ZER1: variants seen among roughly 807,000 people sequenced by gnomAD.
The protein encoded by ZER1 is zyg-11 related cell cycle regulator, also known as protein zer-1 homolog.
In ZER1, 11 loss-of-function variants were observed where a neutral mutation model predicts 78.8. The ratio of observed to expected loss-of-function variants is 0.14; its 90% CI spans 0.09 to 0.23. The LOEUF (loss-of-function observed/expected upper bound fraction) is 0.23, where lower values mean the gene tolerates loss of function less well. Among genes scored for constraint, ZER1 ranks in the 10% least tolerant of loss-of-function variants. The pLI, the probability that ZER1 is intolerant of heterozygous loss-of-function variation, is 1.00. For missense variants in ZER1, 588 were observed against 996.9 expected (o/e 0.59, Z 5.52); for synonymous variants, 400 against 407.0 (o/e 0.98, Z 0.21).
Position 128,751,663 on chromosome 9 carries a change from A to G in ZER1, c.924-136T>C. 1 of 689,146 alleles carries G rather than the reference A, an allele frequency of 1.5e-6. No homozygotes were observed. Among genetic ancestry groups the G allele is most frequent in the South Asian group, 1.8e-5 (1 of 56,276 alleles). The allele number at this position is 689,146 out of a possible 1,614,324, so 42.7% of individuals were successfully genotyped here. ...TCATCCCCTACTCCTTTTGTTTTTA[A>G]TGGTAGGGGACATAAGCACCACCTC... On this transcript the variant is annotated intron_variant, in intron 5 of 15. Transcript: ENST00000291900. The surrounding 1 kb of genome is among the most constrained non-coding windows in gnomAD (Gnocchi z 5.4).
Position 128,742,703 on chromosome 9 carries a change from G to T in ZER1, c.1402C>A (p.Pro468Thr). The T allele has an allele frequency of 6.2e-7, 1 of 1,613,822 alleles. No homozygotes were observed. Among genetic ancestry groups the T allele is most frequent in the Non-Finnish European group, 8.5e-7 (1 of 1,179,900 alleles). The change falls in exon 9 of 16, where the codon CCC (proline) becomes ACC (threonine). Residue 468 changes from proline (P) to threonine (T), a missense_variant. Transcript: ENST00000291900. ...CGGTACTGGAATTCCAGCTCCTCGG[G>T]GATGCTGAAGTTGCAGAGCGTCAGG... ...CCLTLCNFSI[P>T]EELEFQYRRV...
chr9:128,742,676 G>T lies in ZER1; in HGVS notation c.1429C>A (p.Arg477=), dbSNP rs1028384558. Residue 477 remains arginine (R), a synonymous_variant, in exon 9 of 16, where the codon CGG becomes AGG. Transcript: ENST00000291900. ...ATGCTGAGCAGGAGCTCGTTGACCC[G>T]GCGGTACTGGAATTCCAGCTCCTCG... ...IPEELEFQYR[R]VNELLLSILN... 6.2e-7 allele frequency: 1 copy of T among 1,614,050 alleles called. No homozygotes were observed. The highest frequency in any genetic ancestry group is 1.7e-5 in the Admixed American group (1 of 60,004).
Position 128,753,606 on chromosome 9 carries a change from A to G in ZER1, c.310-6T>C. On this transcript the variant is annotated splice_region_variant and splice_polypyrimidine_tract_variant and intron_variant, in intron 3 of 15. Coordinates refer to ENST00000291900, the MANE Select transcript of ZER1 (RefSeq NM_006336.4). The surrounding 1 kb of genome is among the most constrained non-coding windows in gnomAD (Gnocchi z 7.5). ...AGGTACAGCTCCACCAGGTCCTGGG[A>G]GTGGGCACAGCTCCATCATCATCAC... 1 of 1,611,910 alleles carries G rather than the reference A, an allele frequency of 6.2e-7. No individual in the cohort carries two copies. The highest frequency in any genetic ancestry group is 1.1e-5 in the South Asian group (1 of 91,058).
At chr9:128,768,774 C>A (rs1168471503) in intron 1 of ZER1, among the ~76,000 whole-genome samples, 1 of 152,114 alleles carries the variant, frequency 6.6e-6, no homozygotes, top group East Asian at 1.9e-4. Context: ...TCAGCCTCTG[C>A]CGGGCACTTC....
At chr9:128,765,720 G>C (rs907097469) in intron 1 of ZER1, among the ~76,000 whole-genome samples, 1 of 152,192 alleles carries the variant, frequency 6.6e-6, no homozygotes, top group Admixed American at 6.5e-5. Flanking sequence ...GAGGCTAGAC[G>C]CTTTCCAGGA....
Position 128,751,302 on chromosome 9 carries a change from G to A in ZER1, c.1039-34C>T, listed in dbSNP as rs1306549407. 3 of 1,603,886 alleles carry A rather than the reference G, an allele frequency of 1.9e-6. No individual in the cohort carries two copies. In the African/African-American group the frequency reaches 4.0e-5, roughly 21 times the overall value. On this transcript the variant is annotated intron_variant, in intron 6 of 15. Transcript: ENST00000291900. The surrounding 1 kb of genome is among the most constrained non-coding windows in gnomAD (Gnocchi z 5.4). ...GGGACACGCTCAGAACAACCCAGCA[G>A]AGGCCAAGGGCTGGGATGCCAGATC...
In ZER1 at chr9:128,735,320, A is replaced by T. The variant is rs750356170; in HGVS notation, c.2140+14T>A. On this transcript the variant is annotated intron_variant, in intron 14 of 15. Coordinates refer to ENST00000291900, the MANE Select transcript of ZER1 (RefSeq NM_006336.4). ...CTGGATGAGTGTCTGAACCCAGGAC[A>T]AGTTGGCACTCACGGTAGACAGACA... 6.2e-7 allele frequency: 1 copy of T among 1,608,962 alleles called. No individual in the cohort carries two copies. The highest frequency in any genetic ancestry group is 1.7e-5 in the Admixed American group (1 of 59,110).
chr9:128,747,954 C>T (rs1014758926), intron 8 of ZER1, among the ~76,000 whole-genome samples: 7 of 152,142 alleles, frequency 4.6e-5, no homozygotes, highest in South Asian at 2.1e-4. Context: ...AGAAAAGAAA[C>T]ATTATTAAAC....
At chr9:128,769,552 T>G (rs1211441660) in intron 1 of ZER1, among the ~76,000 whole-genome samples, 2 of 152,084 alleles carry the variant, frequency 1.3e-5, no homozygotes, top group African/African-American at 4.8e-5. Flanking sequence ...TAGCTGAGAT[T>G]ACAGGCATGC....
In ZER1 at chr9:128,752,798, C is replaced by T. The variant is rs1863722574; in HGVS notation, c.798G>A (p.Leu266=). Residue 266 remains leucine, a synonymous_variant, in exon 5 of 16, where the codon CTG becomes CTA. Coordinates refer to ENST00000291900, the MANE Select transcript of ZER1 (RefSeq NM_006336.4). ...DRLSSYYKFK[L]TREVLSLFVQ... ...CAAAGAGGCTCAGCACCTCCCGAGTCAGCTTGAACTTGTAGTAGCTGGAGA... is the reference window on the plus strand; with the variant it reads ...CAAAGAGGCTCAGCACCTCCCGAGTTAGCTTGAACTTGTAGTAGCTGGAGA... 1 of 1,614,164 alleles carries T rather than the reference C, an allele frequency of 6.2e-7. No homozygotes were observed. Among genetic ancestry groups the T allele is most frequent in the Non-Finnish European group, 8.5e-7 (1 of 1,180,028 alleles).
chr9:128,740,393 C>A lies in ZER1; in HGVS notation c.1854-274G>T, dbSNP rs1445706693. 1.3e-5 allele frequency among the ~76,000 whole-genome samples: 2 copies of A among 152,098 alleles called. No individual in the cohort carries two copies. The highest frequency in any genetic ancestry group is 2.9e-5 in the Non-Finnish European group (2 of 68,028). The stretch of plus-strand genomic sequence containing the variant: ...CGGAGATCGAGACCATCCTGGCTAA[C>A]ATGGTGAAACCCCATCTCTACTAAA... On this transcript the variant is annotated intron_variant, in intron 12 of 15. Transcript: ENST00000291900. The surrounding 1 kb of genome is among the most constrained non-coding windows in gnomAD (Gnocchi z 4.4).
chr9:128,765,294 G>A (rs371356009), intron 1 of ZER1, among the ~76,000 whole-genome samples: 3 of 151,884 alleles, frequency 2.0e-5, no homozygotes, highest in East Asian at 1.9e-4. Flanking sequence ...GTCTGACTTC[G>A]GTGCCCAATT....
At chr9:128,738,137 C>A (rs1270622370) in intron 13 of ZER1, among the ~76,000 whole-genome samples, 1 of 150,110 alleles carries the variant, frequency 6.7e-6, no homozygotes, top group Non-Finnish European at 1.5e-5. Flanking sequence ...CTCCGCCTCC[C>A]AGGTTCACGC....
At position 128,740,740 on chromosome 9, in the gene ZER1, A is replaced by C; in HGVS notation, c.1853+32T>G. The C allele has an allele frequency of 1.3e-6, 1 of 779,072 alleles. No homozygotes were observed. Among genetic ancestry groups the C allele is most frequent in the Non-Finnish European group, 2.4e-6 (1 of 416,960 alleles). The allele number at this position is 779,072 out of a possible 1,614,324, so 48.3% of individuals were successfully genotyped here. Reference sequence around the variant, plus strand: ...AGAGCTCTGAGCATTGTGGCAGCTAAGGCAAAAAGGGAAAGGATTAAAAAT... The same window carrying C: ...AGAGCTCTGAGCATTGTGGCAGCTACGGCAAAAAGGGAAAGGATTAAAAAT... On this transcript the variant is annotated intron_variant, in intron 12 of 15. Coordinates refer to ENST00000291900, the MANE Select transcript of ZER1 (RefSeq NM_006336.4). The surrounding 1 kb of genome is among the most constrained non-coding windows in gnomAD (Gnocchi z 4.4).
chr9:128,742,605 C>G lies in ZER1; in HGVS notation c.1500G>C (p.Val500=), dbSNP rs535056384. The G allele has an allele frequency of 6.2e-7, 1 of 1,614,236 alleles. No individual in the cohort carries two copies. The highest frequency in any genetic ancestry group is 1.7e-5 in the Admixed American group (1 of 60,032). Residue 500 remains valine, a synonymous_variant, in exon 9 of 16, where the codon GTG becomes GTC. Coordinates refer to ENST00000291900, the MANE Select transcript of ZER1 (RefSeq NM_006336.4). The part of the protein sequence containing the change: ...RQDESIQRIA[V]HLCNALVCQV... ...GGCAGACCAGGGCATTGCACAGGTGCACGGCGATCCGCTGGATAGACTCGT... is the reference window on the plus strand; with the variant it reads ...GGCAGACCAGGGCATTGCACAGGTGGACGGCGATCCGCTGGATAGACTCGT...
chr9:128,772,453 A>G (rs1436582636), upstream of ZER1: 1 of 152,268 alleles, frequency 6.6e-6, no homozygotes, highest in Non-Finnish European at 1.5e-5. Context: ...TCCAGTCTCC[A>G]AGTCCTAAGG....
At position 128,747,631 on chromosome 9, in the gene ZER1, T is replaced by C. The variant is rs117008935; in HGVS notation, c.1359+2985A>G. ...CTTTTTTTTGTTTTTGGTTTTGTTT[T>C]GACACAGAGTCTTGCTTCGTCACCC... On this transcript the variant is annotated intron_variant, in intron 8 of 15. Coordinates refer to ENST00000291900, the MANE Select transcript of ZER1 (RefSeq NM_006336.4). Among the ~76,000 whole-genome samples the C allele has an allele frequency of 2.0e-3, 305 of 152,350 alleles. 10 individuals carry two copies. The East Asian group carries it at 0.054, about 27-fold the overall frequency.
At position 128,730,962 on chromosome 9, in the gene ZER1, C is replaced by T. The variant is rs1329952525; in HGVS notation, c.*375G>A. The T allele has an allele frequency of 6.5e-6, 1 of 152,974 alleles. No homozygotes were observed. The highest frequency in any genetic ancestry group is 2.4e-5 in the African/African-American group (1 of 41,424). The allele number at this position is 152,974 out of a possible 1,614,324, so 9.5% of individuals were successfully genotyped here. A position where few individuals can be genotyped will look rare whatever the true frequency, so the allele number is the denominator to read the frequency against. On this transcript the variant is annotated 3_prime_UTR_variant, in exon 16 of 16. Transcript: ENST00000291900. ...GAAGCCAGGCCGGGATCTGAGTTTC[C>T]TGGACAAGGACTGGACACTCACAGC...
intron 1 of ZER1, among the ~76,000 whole-genome samples, chr9:128,771,043 G>A (rs1402750567): frequency 6.6e-6 from 1 of 152,166 alleles, no homozygotes; most frequent in East Asian, 1.9e-4. Flanking sequence ...CGAATGGACT[G>A]ACAAACACAG....
Sources: gnomAD v4.1 joint callset for allele counts (sites outside exome capture counted in the v4.1 genomes callset) on GRCh38, gnomAD v4.1.1 for gene constraint, Gnocchi (gnomAD v3.1) non-coding constraint, MANE v1.5 for transcripts, NCBI Gene and HGNC (gene_info 2026-07-23, HGNC 2026-07-21) for gene names.